TPR: variants seen among roughly 807,000 people sequenced by gnomAD.
TPR encodes the protein nucleoprotein TPR.
A neutral mutation model predicts 316.1 loss-of-function variants in TPR; 51 were observed. That is an observed-to-expected ratio of 0.16 (90% CI 0.13 to 0.20). The LOEUF (loss-of-function observed/expected upper bound fraction) is 0.20. Ranked by LOEUF, TPR falls within the 10% of genes least tolerant of loss-of-function variation. The pLI, the probability that TPR is intolerant of heterozygous loss-of-function variation, is 1.00. For synonymous variants in TPR, 981 were observed against 914.7 expected, an observed-to-expected ratio of 1.07 and a Z score of -1.31; for missense variants, 2,272 against 2,754.8, an observed-to-expected ratio of 0.82 and a Z score of 3.92.
At chr1:186,374,544 GCAA>G (rs1010918749) in intron 1 of TPR, among the ~76,000 whole-genome samples, 10 of 152,142 alleles carry the variant, frequency 6.6e-5, no homozygotes, top group African/African-American at 2.4e-4. Flanking sequence ...CAGTTGAAGT[GCAA>G]CAAAACATAT....
chr1:186,370,033 T>C (rs916171092), intron 3 of TPR, among the ~76,000 whole-genome samples: 1 of 152,168 alleles, frequency 6.6e-6, no homozygotes, highest in Non-Finnish European at 1.5e-5. Flanking sequence ...AGAACCTCCG[T>C]ATTGGGTTTT....
intron 4 of TPR, among the ~76,000 whole-genome samples, chr1:186,364,820 A>G (rs34924250): frequency 0.093 from 14,083 of 152,188 alleles, 963 homozygotes; most frequent in East Asian, 0.38. Flanking sequence ...GCCACAAAAG[A>G]TATTTATTAG....
In TPR at chr1:186,347,475, C is replaced by T; in HGVS notation, c.2777-17G>A. ...TAGGCTGACCTAAAAGACATAACAGCTCTGTTAAAATTAACATTTTCAATA... is the reference window on the plus strand; with the variant it reads ...TAGGCTGACCTAAAAGACATAACAGTTCTGTTAAAATTAACATTTTCAATA... On this transcript the variant is annotated splice_polypyrimidine_tract_variant and intron_variant, in intron 21 of 50. Transcript: ENST00000367478. 6.2e-7 allele frequency: 1 copy of T among 1,609,426 alleles called. No homozygotes were observed. Among genetic ancestry groups the T allele is most frequent in the Non-Finnish European group, 8.5e-7 (1 of 1,178,218 alleles).
Position 186,363,332 on chromosome 1 carries a change from T to C in TPR, c.531+10A>G, listed in dbSNP as rs1184910725. Reference sequence around the variant, plus strand: ...TATAGTTTATGCATTAGGAATCATCTGGTACTTGCCTTAACAGAAACATCA... The same window carrying C: ...TATAGTTTATGCATTAGGAATCATCCGGTACTTGCCTTAACAGAAACATCA... On this transcript the variant is annotated intron_variant, in intron 5 of 50. Coordinates refer to ENST00000367478, the MANE Select transcript of TPR (RefSeq NM_003292.3). 1.3e-6 allele frequency: 2 copies of C among 1,598,966 alleles called. No individual in the cohort carries two copies. Among genetic ancestry groups the C allele is most frequent in the South Asian group, 1.1e-5 (1 of 90,354 alleles).
At chr1:186,317,202 A>C (rs1177158656) in intron 49 of TPR, among the ~76,000 whole-genome samples, 2 of 152,250 alleles carry the variant, frequency 1.3e-5, no homozygotes, top group Non-Finnish European at 2.9e-5. Flanking sequence ...GAGCTCTACA[A>C]AACATATGTT....
At chr1:186,374,759 C>A in intron 1 of TPR, 119 bp downstream of exon 1, 2 of 1,099,410 alleles carry the variant, frequency 1.8e-6, no homozygotes, top group Non-Finnish European at 2.6e-6. Context: ...AGGATATCCA[C>A]AGAGCCCAGG....
chr1:186,330,400 C>T (rs1377818726), intron 39 of TPR, among the ~76,000 whole-genome samples: 1 of 152,088 alleles, frequency 6.6e-6, no homozygotes, highest in Non-Finnish European at 1.5e-5. Context: ...TAGTTTCAAC[C>T]TGCTTAAAGA....
intron 37 of TPR, among the ~76,000 whole-genome samples, chr1:186,332,788 T>C (rs76425514): frequency 0.045 from 6,898 of 152,206 alleles, 515 homozygotes; most frequent in African/African-American, 0.16. Flanking sequence ...TTAAATTATA[T>C]ACAATGTTTT....
At chr1:186,346,557 A>G (rs1658683022) in intron 22 of TPR, among the ~76,000 whole-genome samples, 1 of 152,072 alleles carries the variant, frequency 6.6e-6, no homozygotes, top group Non-Finnish European at 1.5e-5. Context: ...CAATCCTCAT[A>G]TCCACTTGCC....
Position 186,355,399 on chromosome 1 carries a change from A to C in TPR, c.2171+11T>G. ...TTAGACTTAATTAATTTGAAACAAA[A>C]GAAAACTTACCGTTTAGAAGCAAAA... On this transcript the variant is annotated intron_variant, in intron 17 of 50. Transcript: ENST00000367478. The C allele has an allele frequency of 6.2e-7, 1 of 1,602,178 alleles. No individual in the cohort carries two copies. Among genetic ancestry groups the C allele is most frequent in the Non-Finnish European group, 8.5e-7 (1 of 1,176,880 alleles).
Position 186,356,348 on chromosome 1 carries a change from C to T in TPR, c.1826G>A (p.Arg609His), listed in dbSNP as rs763470961. Residue 609 changes from arginine (R) to histidine (H), a missense_variant, in exon 15 of 51, where the codon CGT becomes CAT. Coordinates refer to ENST00000367478, the MANE Select transcript of TPR (RefSeq NM_003292.3). ...HQMQLVDSIVRQRDMYRILLS... is the reference protein window; with the variant it reads ...HQMQLVDSIVHQRDMYRILLS... ...TAAAATACGGTACATATCACGCTGA[C>T]GAACTATGGAATCAACAAGCTGCAT... 5.6e-6 allele frequency: 9 copies of T among 1,613,584 alleles called. No individual in the cohort carries two copies. The highest frequency in any genetic ancestry group is 5.3e-5 in the African/African-American group (4 of 74,912).
chr1:186,316,070 T>C (rs1657603468), intron 49 of TPR, among the ~76,000 whole-genome samples: 1 of 151,822 alleles, frequency 6.6e-6, no homozygotes, highest in Non-Finnish European at 1.5e-5. Flanking sequence ...TAATTTCATA[T>C]TATACTTTAA....
chr1:186,340,144 A>G (rs1658469109), intron 29 of TPR, among the ~76,000 whole-genome samples: 1 of 152,222 alleles, frequency 6.6e-6, no homozygotes, highest in South Asian at 2.1e-4. Context: ...ACAATGCATT[A>G]CAAGTTAAAC....
chr1:186,356,883 C>T (rs1252560587), intron 14 of TPR, among the ~76,000 whole-genome samples: 1 of 152,212 alleles, frequency 6.6e-6, no homozygotes, highest in Admixed American at 6.5e-5. Context: ...GCACTAATCA[C>T]AGTGAATGCA....
intron 30 of TPR, among the ~76,000 whole-genome samples, chr1:186,338,767 C>T (rs1000408497): frequency 2.0e-5 from 3 of 152,148 alleles, no homozygotes; most frequent in African/African-American, 7.2e-5. Context: ...CAACCCCTGT[C>T]CTATATCCTG....
At chr1:186,326,294 A>G (rs370349528) in intron 40 of TPR, 59 bp from the exon 41 acceptor site, 2 of 1,544,970 alleles carry the variant, frequency 1.3e-6, no homozygotes, top group South Asian at 1.2e-5. Flanking sequence ...CATGCTCTGC[A>G]TGTCTAGATA....
At chr1:186,371,081 C>T in intron 2 of TPR, 38 bp from the exon 3 acceptor site, 1 of 1,540,464 alleles carries the variant, frequency 6.5e-7, no homozygotes. Context: ...TACACATTTG[C>T]TTAAAACTTG....
chr1:186,338,153 C>T lies in TPR; in HGVS notation c.4242G>A (p.Gln1414=). ...CAATTATTTTGGCATCTAAGTCCTT[C>T]TGGATGGTTTCCTTTTCAGTTCTTA... is the stretch of plus-strand genomic sequence containing the variant. ...NKVRTEKETI[Q]KDLDAKIIDI... The change falls in exon 31 of 51, where the codon CAG becomes CAA. Residue 1414 remains glutamine, a synonymous_variant. Coordinates refer to ENST00000367478, the MANE Select transcript of TPR (RefSeq NM_003292.3). 5.6e-6 allele frequency: 9 copies of T among 1,612,984 alleles called. No homozygotes were observed. Among genetic ancestry groups the T allele is most frequent in the Non-Finnish European group, 7.6e-6 (9 of 1,179,520 alleles).
At chr1:186,364,030 A>G (rs993353511) in intron 4 of TPR, among the ~76,000 whole-genome samples, 2 of 152,180 alleles carry the variant, frequency 1.3e-5, no homozygotes, top group African/African-American at 4.8e-5. Context: ...GTGTGACTCT[A>G]TTGTGAGCAG....
Sources: gnomAD v4.1 joint callset for allele counts (sites outside exome capture counted in the v4.1 genomes callset) on GRCh38, gnomAD v4.1.1 for gene constraint, MANE v1.5 for transcripts, NCBI Gene and HGNC (gene_info 2026-07-23, HGNC 2026-07-21) for gene names.